Variants in CTIF observed in about 807,000 individuals in gnomAD.
The protein encoded by CTIF is CBP80/20-dependent translation initiation factor.
CTIF carries 21 observed loss-of-function variants against 66.0 expected under a neutral mutation model. That is an observed-to-expected ratio of 0.32 (90% CI 0.23 to 0.46). The LOEUF is 0.46. Ranked by LOEUF, CTIF falls within the 20% of genes least tolerant of loss-of-function variation. The pLI is 1.00. For synonymous variants in CTIF, 345 were observed against 326.4 expected (o/e 1.06, Z -0.62); for missense variants, 739 against 812.7 (o/e 0.91, Z 1.10).
At chr18:48,643,994 A>G (rs1795967612) in intron 3 of CTIF, among the ~76,000 whole-genome samples, 1 of 152,168 alleles carries the variant, frequency 6.6e-6, no homozygotes, top group Non-Finnish European at 1.5e-5. Context: ...AGCTCCATTA[A>G]TAAAAAAGTT....
At position 48,796,028 on chromosome 18, in the gene CTIF, G is replaced by A. The variant is rs528647246; in HGVS notation, c.1372-21193G>A. 5.9e-5 allele frequency among the ~76,000 whole-genome samples: 9 copies of A among 152,196 alleles called. No homozygotes were observed. The South Asian group carries it at 1.9e-3, about 32-fold the overall frequency. ...GGTTTGTTTTTTGAGATGGAGTCTT[G>A]TCTGCCACCCAGACTGGAGTGCAAT... On this transcript the variant is annotated intron_variant, in intron 9 of 11. Coordinates refer to ENST00000256413, the MANE Select transcript of CTIF (RefSeq NM_014772.3).
chr18:48,585,327 C>A (rs80217266), intron 1 of CTIF, among the ~76,000 whole-genome samples: 1 of 152,210 alleles, frequency 6.6e-6, no homozygotes, highest in African/African-American at 2.4e-5. Flanking sequence ...AAAACATTCA[C>A]CTTTTAGAAA....
intron 7 of CTIF, among the ~76,000 whole-genome samples, chr18:48,714,268 A>G (rs1020743769): frequency 1.1e-4 from 16 of 152,158 alleles, no homozygotes; most frequent in Admixed American, 6.6e-5. Context: ...CTTAAACTAC[A>G]CTGGGAGGGG....
chr18:48,818,991 T>A (rs1055551932), intron 10 of CTIF, among the ~76,000 whole-genome samples: 38 of 152,122 alleles, frequency 2.5e-4, no homozygotes, highest in African/African-American at 8.0e-4. Context: ...ATAGAGCAAT[T>A]TAAGAGAAGG....
chr18:48,852,233 T>TAAAAAAAAAAAA (rs10591389), intron 10 of CTIF, among the ~76,000 whole-genome samples: 7 of 66,596 alleles, frequency 1.1e-4, no homozygotes, highest in Non-Finnish European at 2.0e-4. Context: ...GACCCTGTCT[T>TAAAAAAAAAAAA]AAAAAAAAAA....
intron 2 of CTIF, among the ~76,000 whole-genome samples, chr18:48,623,279 C>T (rs1470119114): frequency 6.6e-6 from 1 of 152,234 alleles, no homozygotes; most frequent in Non-Finnish European, 1.5e-5. Context: ...AGAATGCAGA[C>T]ACCTGGCAGG....
chr18:48,644,562 T>TG (rs1314947900), intron 3 of CTIF, among the ~76,000 whole-genome samples: 1 of 152,220 alleles, frequency 6.6e-6, no homozygotes, highest in East Asian at 1.9e-4. Context: ...CCAGCTCACT[T>TG]GGAGGAACAG....
At chr18:48,606,988 G>A (rs1383027786) in intron 1 of CTIF, among the ~76,000 whole-genome samples, 1 of 152,162 alleles carries the variant, frequency 6.6e-6, no homozygotes, top group Admixed American at 6.5e-5. Context: ...TTTGGGGGGA[G>A]TCGTTTATAA....
chr18:48,628,264 C>A (rs2090638606), intron 2 of CTIF, among the ~76,000 whole-genome samples: 1 of 152,104 alleles, frequency 6.6e-6, no homozygotes, highest in African/African-American at 2.4e-5. Context: ...GTTGGTCCAC[C>A]AGTTCGATGC....
chr18:48,855,278 G>A (rs1255909691), intron 10 of CTIF, among the ~76,000 whole-genome samples: 1 of 152,216 alleles, frequency 6.6e-6, no homozygotes, highest in Non-Finnish European at 1.5e-5. Flanking sequence ...TGAGGTTATG[G>A]AAGTTGTAGG....
intron 10 of CTIF, among the ~76,000 whole-genome samples, chr18:48,831,539 C>T (rs956560183): frequency 1.3e-5 from 2 of 152,076 alleles, no homozygotes; most frequent in Admixed American, 6.5e-5. Context: ...GCAGGGGGCA[C>T]GAAGGGTGGG....
chr18:48,828,403 G>C (rs1259210178), intron 10 of CTIF, among the ~76,000 whole-genome samples: 1 of 152,094 alleles, frequency 6.6e-6, no homozygotes, highest in African/African-American at 2.4e-5. Context: ...TATATAGCAG[G>C]GAGCAGTTTT....
intron 10 of CTIF, among the ~76,000 whole-genome samples, chr18:48,833,519 G>C (rs892595263): frequency 6.6e-6 from 1 of 152,072 alleles, no homozygotes; most frequent in Admixed American, 6.5e-5. Context: ...CTCCTTGGAC[G>C]TTCCTAAAGC....
At chr18:48,650,416 A>G (rs1258046467) in intron 3 of CTIF, among the ~76,000 whole-genome samples, 1 of 152,218 alleles carries the variant, frequency 6.6e-6, no homozygotes, top group Non-Finnish European at 1.5e-5. Context: ...AAGTGAGAAG[A>G]GAAGTTTAGA....
intron 2 of CTIF, among the ~76,000 whole-genome samples, chr18:48,623,595 A>C (rs941939541): frequency 6.6e-6 from 1 of 151,490 alleles, no homozygotes; most frequent in African/African-American, 2.4e-5. Context: ...GAAAAAAAAA[A>C]ACAGCAAACA....
At chr18:48,780,582 C>T (rs771683375) in intron 9 of CTIF, among the ~76,000 whole-genome samples, 5 of 152,110 alleles carry the variant, frequency 3.3e-5, no homozygotes, top group Admixed American at 2.0e-4. Flanking sequence ...TCCCTCCCTG[C>T]GAGCTTGGCG....
chr18:48,772,534 C>CAGCAATA (rs1555690381), intron 9 of CTIF, among the ~76,000 whole-genome samples: 7 of 152,018 alleles, frequency 4.6e-5, no homozygotes, highest in South Asian at 2.1e-4. Context: ...GCCTCCCCTC[C>CAGCAATA]ATCTTCCATC....
chr18:48,832,921 G>A lies in CTIF; in HGVS notation c.1527+15545G>A, dbSNP rs187672821. ...CTGATTGTTCTTTCCTGATAGTCAGGAAGTGCTGAGTCTGGGGGGCGGAGG... is the reference window on the plus strand; with the variant it reads ...CTGATTGTTCTTTCCTGATAGTCAGAAAGTGCTGAGTCTGGGGGGCGGAGG... On this transcript the variant is annotated intron_variant, in intron 10 of 11. Coordinates refer to ENST00000256413, the MANE Select transcript of CTIF (RefSeq NM_014772.3). 3.4e-3 allele frequency among the ~76,000 whole-genome samples: 516 copies of A among 152,336 alleles called. 4 individuals are homozygous for A. The highest frequency in any genetic ancestry group is 5.1e-3 in the Non-Finnish European group (349 of 68,034).
chr18:48,635,050 T>C (rs2090788159), intron 2 of CTIF, among the ~76,000 whole-genome samples: 1 of 152,216 alleles, frequency 6.6e-6, no homozygotes, highest in Non-Finnish European at 1.5e-5. Context: ...ATTCCGCCTG[T>C]GGTTTCTGTG....
Sources: gnomAD v4.1 joint callset for allele counts (sites outside exome capture counted in the v4.1 genomes callset) on GRCh38, gnomAD v4.1.1 for gene constraint, MANE v1.5 for transcripts, NCBI Gene and HGNC (gene_info 2026-07-23, HGNC 2026-07-21) for gene names.